Variants in DUSP29 observed in about 807,000 individuals in gnomAD.
The protein encoded by DUSP29 is dual specificity phosphatase 29.
In DUSP29, 12 loss-of-function variants were observed where a neutral mutation model predicts 13.5. That is an observed-to-expected ratio of 0.89 (90% CI 0.57 to 1.44). The LOEUF (loss-of-function observed/expected upper bound fraction) is 1.44. DUSP29 is among the 40% of genes most tolerant of loss of function. The pLI, the probability that DUSP29 is intolerant of heterozygous loss-of-function variation, is 0.00. For synonymous variants in DUSP29, 134 were observed against 128.7 expected, an observed-to-expected ratio of 1.04 and a Z score of -0.28; for missense variants, 308 against 301.1, an observed-to-expected ratio of 1.02 and a Z score of -0.17.
chr10:75,065,001 T>C (rs1183539427), intron 1 of DUSP29, among the ~76,000 whole-genome samples: 1 of 152,126 alleles, frequency 6.6e-6, no homozygotes, highest in Non-Finnish European at 1.5e-5. Flanking sequence ...GACTTCTATT[T>C]TGCGATTTCT....
In DUSP29 at chr10:75,037,769, A is replaced by T. The variant is rs1248181225; in HGVS notation, c.*67T>A. On this transcript the variant is annotated 3_prime_UTR_variant, in exon 4 of 4. Transcript: ENST00000338487. ...TTCACCATCCCTTCTCTGGAGTCCT[A>T]GGCCAGGGCTATGTTCTGCCTCTCC... 6.5e-7 allele frequency: 1 copy of T among 1,532,536 alleles called. No homozygotes were observed. Among genetic ancestry groups the T allele is most frequent in the Non-Finnish European group, 8.7e-7 (1 of 1,144,438 alleles). 94.9% of individuals were successfully genotyped at this position (1,532,536 alleles called of 1,614,324 possible). A position where few individuals can be genotyped will look rare whatever the true frequency, so the allele number is the denominator to read the frequency against.
At position 75,037,804 on chromosome 10, in the gene DUSP29, C is replaced by T; in HGVS notation, c.*32G>A. 6.3e-7 allele frequency: 1 copy of T among 1,582,600 alleles called. No individual in the cohort carries two copies. Among genetic ancestry groups the T allele is most frequent in the East Asian group, 2.2e-5 (1 of 44,450 alleles). On this transcript the variant is annotated 3_prime_UTR_variant, in exon 4 of 4. Coordinates refer to ENST00000338487, the MANE Select transcript of DUSP29 (RefSeq NM_001003892.3). ...TATGTTCTGCCTCTCCCCTCTGTCC[C>T]CAAGTGCCTCTGCTGGCCCTGTGAG...
In DUSP29 at chr10:75,062,456, C is replaced by T. The variant is rs189234888; in HGVS notation, c.-34-3908G>A. On this transcript the variant is annotated intron_variant, in intron 1 of 3. Coordinates refer to ENST00000338487, the MANE Select transcript of DUSP29 (RefSeq NM_001003892.3). ...ATTACACTGTGGAGGGAACCATCCC[C>T]GTCTCCATCTCTGTGCTGAAAGCCT... Among the ~76,000 whole-genome samples the T allele has an allele frequency of 3.7e-3, 563 of 152,284 alleles. 4 individuals carry two copies. Among genetic ancestry groups the T allele is most frequent in the Non-Finnish European group, 4.5e-3 (305 of 68,012 alleles).
chr10:75,047,375 A>T (rs1326878856), intron 2 of DUSP29, among the ~76,000 whole-genome samples: 1 of 152,224 alleles, frequency 6.6e-6, no homozygotes, highest in Non-Finnish European at 1.5e-5. Context: ...TCCAGTCCCC[A>T]GATGGGACAG....
intron 3 of DUSP29, among the ~76,000 whole-genome samples, chr10:75,039,906 G>A (rs1202148091): frequency 4.6e-5 from 7 of 152,166 alleles, no homozygotes; most frequent in Admixed American, 3.9e-4. Flanking sequence ...TCGGCTGGGC[G>A]TGGTGGCTCA....
intron 1 of DUSP29, among the ~76,000 whole-genome samples, chr10:75,066,039 C>A (rs1366771816): frequency 6.6e-6 from 1 of 152,062 alleles, no homozygotes; most frequent in Admixed American, 6.6e-5. Flanking sequence ...TTTGAGGGTC[C>A]CTTTGATGGG....
intron 2 of DUSP29, among the ~76,000 whole-genome samples, chr10:75,052,619 T>G (rs866857228): frequency 1.3e-5 from 2 of 151,926 alleles, no homozygotes; most frequent in African/African-American, 4.8e-5. Context: ...CCCCGGCTAA[T>G]TTTTGTATTT....
In DUSP29 at chr10:75,065,327, C is replaced by G. The variant is rs1847173238; in HGVS notation, c.-34-6779G>C. 2.0e-5 allele frequency among the ~76,000 whole-genome samples: 3 copies of G among 152,050 alleles called. No individual in the cohort carries two copies. In the South Asian group the frequency reaches 6.2e-4, roughly 32 times the overall value. On this transcript the variant is annotated intron_variant, in intron 1 of 3. Transcript: ENST00000338487. ...GCAGAGATTGGCTAGGGAGCAATGC[C>G]TAGGAATGAGAGCATGTGTCAGGAA... is the stretch of plus-strand genomic sequence containing the variant.
intron 1 of DUSP29, among the ~76,000 whole-genome samples, chr10:75,066,941 T>C (rs1232576427): frequency 6.9e-6 from 1 of 144,748 alleles, no homozygotes; most frequent in African/African-American, 2.7e-5. Context: ...AATTTCTTTT[T>C]TCTTTTTTTT....
intron 2 of DUSP29, among the ~76,000 whole-genome samples, chr10:75,044,524 T>A (rs1846663241): frequency 6.6e-6 from 1 of 152,166 alleles, no homozygotes; most frequent in Admixed American, 6.5e-5. Context: ...CAAATTCACG[T>A]TGGCACGATG....
rs974229426 is a variant in DUSP29, at chr10:75,073,614, G to C, written c.-80C>G. Among the ~76,000 whole-genome samples, 1 of 152,202 alleles carries C rather than the reference G, an allele frequency of 6.6e-6. No individual in the cohort carries two copies. The highest frequency in any genetic ancestry group is 2.4e-5 in the African/African-American group (1 of 41,458). ...CCGCGTCGGGAGGTTCTGGTCCGTG[G>C]GGCATGTAGCAGCCGCACGCCCAGC... On this transcript the variant is annotated 5_prime_UTR_variant, in exon 1 of 4. Transcript: ENST00000338487.
chr10:75,049,424 A>G (rs1223083752), intron 2 of DUSP29, among the ~76,000 whole-genome samples: 2 of 152,192 alleles, frequency 1.3e-5, no homozygotes, highest in Non-Finnish European at 2.9e-5. Context: ...TAACCATGCA[A>G]GGAGATGGTT....
At chr10:75,046,860 C>G (rs1846718300) in intron 2 of DUSP29, among the ~76,000 whole-genome samples, 1 of 152,232 alleles carries the variant, frequency 6.6e-6, no homozygotes, top group African/African-American at 2.4e-5. Context: ...ATCAACCTCA[C>G]TTTGAGGTTG....
intron 2 of DUSP29, among the ~76,000 whole-genome samples, chr10:75,044,750 G>A (rs567750280): frequency 6.6e-6 from 1 of 152,318 alleles, no homozygotes; most frequent in African/African-American, 2.4e-5. Flanking sequence ...TCTGAAATAT[G>A]ACTCGATGAG....
At chr10:75,044,040 T>C (rs749245258) in intron 2 of DUSP29, 23 bp from the exon 3 acceptor site, 9 of 1,593,738 alleles carry the variant, frequency 5.6e-6, no homozygotes, top group Non-Finnish European at 6.8e-6. Context: ...GAGAGAAATC[T>C]GTGGGCGCGC....
At chr10:75,059,075 C>T (rs1847031275) in intron 1 of DUSP29, among the ~76,000 whole-genome samples, 3 of 152,312 alleles carry the variant, frequency 2.0e-5, no homozygotes, top group Middle Eastern at 6.8e-3. Flanking sequence ...ATCAGCAGGA[C>T]TTCAGAAGCC....
Position 75,054,924 on chromosome 10 carries a change from T to A in DUSP29, c.200+3391A>T, listed in dbSNP as rs184342860. On this transcript the variant is annotated intron_variant, in intron 2 of 3. Coordinates refer to ENST00000338487, the MANE Select transcript of DUSP29 (RefSeq NM_001003892.3). ...GCACCATTACAGCTCACTGTAGCCA[T>A]GACCTCCTGGACTCAAGTGATCCGC... 2.7e-3 allele frequency among the ~76,000 whole-genome samples: 413 copies of A among 152,186 alleles called. 1 individual carries two copies. Among genetic ancestry groups the A allele is most frequent in the African/African-American group, 8.8e-3 (367 of 41,532 alleles).
rs763292960 is a variant in DUSP29 at position 75,043,756 on chromosome 10, GCGGGGCGGGGCCGAT to G, written c.421+26_421+40del. 4.1e-5 allele frequency: 63 copies of G among 1,526,766 alleles called. No homozygotes were observed. In the South Asian group the frequency reaches 4.7e-4, roughly 11 times the overall value. 94.6% of individuals were successfully genotyped at this position (1,526,766 alleles called of 1,614,324 possible). Reference sequence around the variant, plus strand: ...TACGGGCGGGGCGAGTCGGGGCGGGGCGGGGCGGGGCCGATCGGGGCGGGGCCGCGGGTCTCTTAC... The same window carrying G: ...TACGGGCGGGGCGAGTCGGGGCGGGGCGGGGCGGGGCCGCGGGTCTCTTAC... On this transcript the variant is annotated intron_variant, in intron 3 of 3. Coordinates refer to ENST00000338487, the MANE Select transcript of DUSP29 (RefSeq NM_001003892.3).
Position 75,037,862 on chromosome 10 carries a change from C to T in DUSP29, c.637G>A (p.Glu213Lys). 6.2e-7 allele frequency: 1 copy of T among 1,610,122 alleles called. No individual in the cohort carries two copies. Among genetic ancestry groups the T allele is most frequent in the Non-Finnish European group, 8.5e-7 (1 of 1,178,384 alleles). Residue 213 changes from glutamate (E) to lysine (K), a missense_variant, in exon 4 of 4, where the codon GAG becomes AAG. Glu to Lys is a moderately conservative substitution (Grantham distance 56). Coordinates refer to ENST00000338487, the MANE Select transcript of DUSP29 (RefSeq NM_001003892.3). ...TACAGCTCCCTGCCATCCTCCTCCT[C>T]ACCGTCCTGGCGCTGGGACCGTCGC... Reference protein sequence around the residue: ...QRRRSQRQDGEEEDGREL With the variant: ...QRRRSQRQDGKEEDGREL
Sources: allele counts gnomAD v4.1 joint callset (sites outside exome capture counted in the v4.1 genomes callset), GRCh38; gene constraint gnomAD v4.1.1; transcripts MANE v1.5; gene names NCBI Gene and HGNC (gene_info 2026-07-23, HGNC 2026-07-21).